HCN1: variants seen among roughly 807,000 people sequenced by gnomAD.
The protein encoded by HCN1 is potassium/sodium hyperpolarization-activated cyclic nucleotide-gated channel 1.
In HCN1, 13 loss-of-function variants were observed where a neutral mutation model predicts 78.9. That is an observed-to-expected ratio of 0.16 (90% CI 0.11 to 0.26). The LOEUF (loss-of-function observed/expected upper bound fraction) is 0.26, where lower values mean the gene tolerates loss of function less well. Among genes scored for constraint, HCN1 ranks in the 10% least tolerant of loss-of-function variants. The pLI is 1.00. For synonymous variants in HCN1, 552 were observed against 455.5 expected (o/e 1.21, Z -2.70); for missense variants, 810 against 1,154.3 (o/e 0.70, Z 4.32).
At chr5:45,498,868 G>A (rs1169215703) in intron 2 of HCN1, among the ~76,000 whole-genome samples, 9 of 152,258 alleles carry the variant, frequency 5.9e-5, no homozygotes, top group East Asian at 3.9e-4. Flanking sequence ...TGCCCCTGCC[G>A]TGTGGTGCCT....
At chr5:45,346,083 T>G (rs561783353) in intron 5 of HCN1, among the ~76,000 whole-genome samples, 38 of 152,260 alleles carry the variant, frequency 2.5e-4, no homozygotes, top group Non-Finnish European at 4.1e-4. Context: ...CCAAAAGGGA[T>G]AAAAGCACCT....
chr5:45,374,212 TATTATGTACATTATATACATAACA>T (rs1747539595), intron 4 of HCN1, among the ~76,000 whole-genome samples: 4 of 118,896 alleles, frequency 3.4e-5, no homozygotes, highest in African/African-American at 1.2e-4. Context: ...ATAACATATA[TATTATGTACATTATATACATAACA>T]TATATATTAT....
chr5:45,263,085 G>C (rs1744781057), intron 7 of HCN1, among the ~76,000 whole-genome samples: 1 of 152,158 alleles, frequency 6.6e-6, no homozygotes. Flanking sequence ...TTAACATGAG[G>C]GCCACCTTGA....
intron 1 of HCN1, among the ~76,000 whole-genome samples, chr5:45,646,883 T>G (rs1580015823): frequency 6.6e-6 from 1 of 152,292 alleles, no homozygotes; most frequent in African/African-American, 2.4e-5. Flanking sequence ...TTTGAGGAGT[T>G]TTGTATAAAC....
intron 1 of HCN1, among the ~76,000 whole-genome samples, chr5:45,659,929 G>A (rs1301212896): frequency 4.1e-5 from 6 of 144,922 alleles, no homozygotes; most frequent in Non-Finnish European, 7.5e-5. Context: ...GCAGGCCAAC[G>A]TTCAGATTCA....
intron 2 of HCN1, among the ~76,000 whole-genome samples, chr5:45,557,201 T>A (rs1052004427): frequency 2.3e-4 from 35 of 152,228 alleles, no homozygotes; most frequent in African/African-American, 7.5e-4. Context: ...ACTTTTTTTT[T>A]AATTGTCTTT....
intron 6 of HCN1, among the ~76,000 whole-genome samples, chr5:45,286,995 T>C (rs73752449): frequency 0.018 from 2,805 of 152,070 alleles, 84 homozygotes; most frequent in African/African-American, 0.063. Flanking sequence ...CCATGGATAA[T>C]AGATAGGTCA....
intron 7 of HCN1, among the ~76,000 whole-genome samples, chr5:45,263,895 G>A (rs928282973): frequency 5.3e-5 from 8 of 152,164 alleles, no homozygotes; most frequent in African/African-American, 1.9e-4. Context: ...CCGGGTTCAT[G>A]CCATTCTCCT....
intron 5 of HCN1, among the ~76,000 whole-genome samples, chr5:45,310,335 C>A (rs893884120): frequency 1.1e-4 from 16 of 151,910 alleles, no homozygotes; most frequent in Non-Finnish European, 2.4e-4. Context: ...ACAAACAACC[C>A]CATTAAAAAG....
intron 2 of HCN1, among the ~76,000 whole-genome samples, chr5:45,488,044 G>A (rs1323785412): frequency 2.0e-5 from 3 of 151,992 alleles, no homozygotes; most frequent in Non-Finnish European, 4.4e-5. Flanking sequence ...TTTAAATTTG[G>A]ATGAATACAT....
chr5:45,599,154 C>T (rs1294425202), intron 2 of HCN1, among the ~76,000 whole-genome samples: 1 of 151,974 alleles, frequency 6.6e-6, no homozygotes, highest in Non-Finnish European at 1.5e-5. Flanking sequence ...GACTTGGAAC[C>T]AACACAAATA....
intron 2 of HCN1, among the ~76,000 whole-genome samples, chr5:45,599,340 A>G (rs552259000): frequency 6.3e-4 from 90 of 143,684 alleles, no homozygotes; most frequent in Middle Eastern, 7.0e-3. Flanking sequence ...GTTCTCACTC[A>G]TGGGTGGGAA....
At chr5:45,659,242 T>A (rs1305696877) in intron 1 of HCN1, among the ~76,000 whole-genome samples, 1 of 139,474 alleles carries the variant, frequency 7.2e-6, no homozygotes, top group African/African-American at 2.8e-5. Context: ...CAGCTGAGGG[T>A]CCTGTCTGTT....
At position 45,373,297 on chromosome 5, in the gene HCN1, AT is replaced by A. The variant is rs1173306068; in HGVS notation, c.1231-20052del. Among the ~76,000 whole-genome samples, 10 of 113,340 alleles carry A rather than the reference AT, an allele frequency of 8.8e-5. No individual in the cohort carries two copies. The Admixed American group carries it at 1.1e-3, about 13-fold the overall frequency. The allele number at this position is 113,340 out of a possible 152,430, so 74.4% of individuals were successfully genotyped here. A position where few individuals can be genotyped will look rare whatever the true frequency, so the allele number is the denominator to read the frequency against. ...ATATTTTATATTATATATTATATAT[AT>A]TTTATATACTATATATAAAATATAT... On this transcript the variant is annotated intron_variant, in intron 4 of 7. Coordinates refer to ENST00000303230, the MANE Select transcript of HCN1 (RefSeq NM_021072.4).
At chr5:45,647,587 CA>C (rs1425366607) in intron 1 of HCN1, among the ~76,000 whole-genome samples, 1 of 152,078 alleles carries the variant, frequency 6.6e-6, no homozygotes, top group African/African-American at 2.4e-5. Context: ...CTGATGACCC[CA>C]AAAGCTTTAT....
At chr5:45,378,481 A>C (rs138444471) in intron 4 of HCN1, among the ~76,000 whole-genome samples, 1 of 152,190 alleles carries the variant, frequency 6.6e-6, no homozygotes, top group East Asian at 1.9e-4. Flanking sequence ...AGGCAACATC[A>C]GAATATATTC....
At chr5:45,340,784 T>C (rs1461428285) in intron 5 of HCN1, among the ~76,000 whole-genome samples, 1 of 152,188 alleles carries the variant, frequency 6.6e-6, no homozygotes, top group African/African-American at 2.4e-5. Context: ...CACATCTGAA[T>C]AGGATCTAGT....
At chr5:45,312,478 G>A (rs1745870313) in intron 5 of HCN1, among the ~76,000 whole-genome samples, 1 of 152,158 alleles carries the variant, frequency 6.6e-6, no homozygotes, top group Non-Finnish European at 1.5e-5. Flanking sequence ...TTCCAACTGA[G>A]GTACCGGGTT....
intron 2 of HCN1, among the ~76,000 whole-genome samples, chr5:45,624,121 G>A (rs1225081093): frequency 6.6e-6 from 1 of 152,160 alleles, no homozygotes; most frequent in Non-Finnish European, 1.5e-5. Flanking sequence ...AGATAATGCA[G>A]GACCTTATGG....
Sources: allele counts gnomAD v4.1 joint callset (sites outside exome capture counted in the v4.1 genomes callset), GRCh38; gene constraint gnomAD v4.1.1; transcripts MANE v1.5; gene names NCBI Gene and HGNC (gene_info 2026-07-23, HGNC 2026-07-21).